The following NBAS variants were observed in gnomAD, a reference collection of about 807,000 sequenced individuals.
The protein encoded by NBAS is NBAS subunit of NRZ tethering complex.
NBAS carries 219 observed loss-of-function variants against 302.5 expected under a neutral mutation model. The observed-to-expected ratio is 0.72, with a 90% CI of 0.65 to 0.81. The LOEUF (loss-of-function observed/expected upper bound fraction) is 0.81. Ranked by LOEUF, NBAS falls within the 30% of genes least tolerant of loss-of-function variation. NBAS has a pLI of 0.00. For missense variants in NBAS, 2,932 were observed against 2,841.6 expected (o/e 1.03, Z -0.72); for synonymous variants, 1,118 against 1,021.6 (o/e 1.09, Z -1.80).
At chr2:15,177,476 A>G (rs553436910) in intron 51 of NBAS, among the ~76,000 whole-genome samples, 1 of 152,276 alleles carries the variant, frequency 6.6e-6, no homozygotes, top group South Asian at 2.1e-4. Context: ...TAAAATGAAA[A>G]CTGATACACT....
At chr2:15,303,955 C>T (rs1472062807) in intron 40 of NBAS, among the ~76,000 whole-genome samples, 1 of 152,160 alleles carries the variant, frequency 6.6e-6, no homozygotes, top group Non-Finnish European at 1.5e-5. Context: ...GAGCAAGCAG[C>T]AAGGTCTTGA....
the NBAS span, among the ~76,000 whole-genome samples, chr2:15,120,457 G>C: frequency 6.6e-6 from 1 of 151,830 alleles, no homozygotes; most frequent in African/African-American, 2.4e-5. Flanking sequence ...AGAACAGAAA[G>C]GTTAATCCTC....
chr2:14,916,904 A>G, the NBAS span, among the ~76,000 whole-genome samples: 1 of 152,218 alleles, frequency 6.6e-6, no homozygotes, highest in Non-Finnish European at 1.5e-5. Flanking sequence ...AAGGTGGGCC[A>G]GATTGTAACA....
chr2:15,426,974 C>T (rs1677511408), intron 22 of NBAS, among the ~76,000 whole-genome samples: 1 of 152,114 alleles, frequency 6.6e-6, no homozygotes. Context: ...ATGCCTGCAT[C>T]TGGGAGCAGG....
chr2:14,817,707 C>T, the NBAS span, among the ~76,000 whole-genome samples: 1 of 152,048 alleles, frequency 6.6e-6, no homozygotes, highest in Admixed American at 6.6e-5. Flanking sequence ...AATTTATTCT[C>T]CTCTACAGAG....
chr2:14,987,715 C>A, the NBAS span, among the ~76,000 whole-genome samples: 3 of 152,036 alleles, frequency 2.0e-5, no homozygotes, highest in Non-Finnish European at 4.4e-5. Context: ...ACTCGGAAAG[C>A]ATGAAGGGAA....
In NBAS at chr2:15,292,656, A is replaced by G. The variant is rs765027242; in HGVS notation, c.4908T>C (p.Asn1636=). Residue 1636 remains asparagine (N), a synonymous_variant, in exon 41 of 52, where the codon AAT becomes AAC. Transcript: ENST00000281513. The part of the protein sequence containing the change: ...ISLTKQLHCY[N]ERLLDFTQAQ... ...CCTGAGTGAAATCCAGGAGACGTTC[A>G]TTGTAGCAGTGTAACTGCTTGGTCA... 1.2e-6 allele frequency: 2 copies of G among 1,614,116 alleles called. No homozygotes were observed. Among genetic ancestry groups the G allele is most frequent in the Admixed American group, 1.7e-5 (1 of 60,014 alleles).
the NBAS span, among the ~76,000 whole-genome samples, chr2:14,922,722 T>G: frequency 6.6e-6 from 1 of 152,188 alleles, no homozygotes; most frequent in Non-Finnish European, 1.5e-5. Flanking sequence ...GGGATACAAT[T>G]TAGTCCATAA....
intron 26 of NBAS, among the ~76,000 whole-genome samples, chr2:15,398,347 G>A (rs781609438): frequency 6.6e-6 from 1 of 152,088 alleles, no homozygotes; most frequent in Non-Finnish European, 1.5e-5. Flanking sequence ...GTCTTCCTAT[G>A]TTCCCCAGAC....
At chr2:14,883,140 A>G in the NBAS span, among the ~76,000 whole-genome samples, 6 of 152,320 alleles carry the variant, frequency 3.9e-5, no homozygotes, top group South Asian at 1.2e-3. Context: ...ATTGAAAGAC[A>G]TGGTAATTTT....
intron 19 of NBAS, among the ~76,000 whole-genome samples, chr2:15,463,833 T>C (rs1679612343): frequency 7.0e-6 from 1 of 143,042 alleles, no homozygotes; most frequent in South Asian, 2.2e-4. Flanking sequence ...AGATGAAGTA[T>C]CAGATGTTAT....
chr2:15,335,770 G>A (rs879764550), intron 35 of NBAS, among the ~76,000 whole-genome samples: 1 of 152,010 alleles, frequency 6.6e-6, no homozygotes, highest in Non-Finnish European at 1.5e-5. Context: ...CTATTACTCT[G>A]TATATTACAT....
chr2:15,150,200 A>G, the NBAS span, among the ~76,000 whole-genome samples: 2 of 152,188 alleles, frequency 1.3e-5, no homozygotes, highest in East Asian at 1.9e-4. Flanking sequence ...TGTTATTAAT[A>G]TGTGTTCCAG....
chr2:15,002,667 C>T, the NBAS span, among the ~76,000 whole-genome samples: 3 of 152,224 alleles, frequency 2.0e-5, no homozygotes, highest in Non-Finnish European at 2.9e-5. Flanking sequence ...CTGCAGGTCC[C>T]GAGCCCTGCC....
chr2:15,498,188 C>A (rs942549258), intron 11 of NBAS, among the ~76,000 whole-genome samples: 1 of 152,162 alleles, frequency 6.6e-6, no homozygotes, highest in Non-Finnish European at 1.5e-5. Flanking sequence ...CTCTGGAGGG[C>A]CCATAAAAGA....
chr2:15,535,617 A>G (rs1409316815), intron 8 of NBAS, among the ~76,000 whole-genome samples: 1 of 152,026 alleles, frequency 6.6e-6, no homozygotes, highest in African/African-American at 2.4e-5. Flanking sequence ...ACCCACACAT[A>G]TCCTCCTGTA....
At chr2:15,188,310 T>C (rs935447040) in intron 49 of NBAS, among the ~76,000 whole-genome samples, 1 of 152,222 alleles carries the variant, frequency 6.6e-6, no homozygotes, top group Non-Finnish European at 1.5e-5. Flanking sequence ...TGTAACCTTT[T>C]TGTGTTGATG....
the NBAS span, among the ~76,000 whole-genome samples, chr2:15,031,658 C>A: frequency 2.0e-5 from 3 of 152,348 alleles, no homozygotes; most frequent in East Asian, 1.9e-4. Context: ...ATGAAGAGAG[C>A]TTTTCCCCCA....
At chr2:15,411,221 A>T (rs1676670827) in intron 25 of NBAS, among the ~76,000 whole-genome samples, 1 of 152,050 alleles carries the variant, frequency 6.6e-6, no homozygotes, top group South Asian at 2.1e-4. Flanking sequence ...CTGACTTCTG[A>T]CTCATCATTT....
Sources: allele counts gnomAD v4.1 joint callset (sites outside exome capture counted in the v4.1 genomes callset), GRCh38; gene constraint gnomAD v4.1.1; transcripts MANE v1.5; gene names NCBI Gene and HGNC (gene_info 2026-07-23, HGNC 2026-07-21).